C8A: variants seen among roughly 807,000 people sequenced by gnomAD.
C8A encodes complement C8 alpha chain.
Under a neutral mutation model 65.3 loss-of-function variants are expected in C8A, and 67 were observed. The observed-to-expected ratio is 1.03, with a 90% CI of 0.84 to 1.26. The LOEUF (loss-of-function observed/expected upper bound fraction) is 1.26. C8A is among the 50% of genes most tolerant of loss of function. C8A has a pLI of 0.00. For missense variants in C8A, 781 were observed against 723.9 expected (o/e 1.08, Z -0.90); for synonymous variants, 290 against 259.4 (o/e 1.12, Z -1.13).
chr1:56,866,682 T>C (rs1230792159), intron 1 of C8A, among the ~76,000 whole-genome samples: 1 of 152,226 alleles, frequency 6.6e-6, no homozygotes, highest in Non-Finnish European at 1.5e-5. Context: ...GTTCCCACTT[T>C]CCCAGTGGGC....
intron 7 of C8A, among the ~76,000 whole-genome samples, chr1:56,903,552 C>G (rs1282762101): frequency 6.6e-6 from 1 of 152,150 alleles, no homozygotes; most frequent in Non-Finnish European, 1.5e-5. Flanking sequence ...CTTTTGAGAC[C>G]TTTTTGGATC....
At chr1:56,915,151 A>G (rs1644540704) in intron 10 of C8A, among the ~76,000 whole-genome samples, 2 of 152,234 alleles carry the variant, frequency 1.3e-5, no homozygotes, top group Admixed American at 1.3e-4. Context: ...TTTCATTGGT[A>G]GAGAATTGTT....
chr1:56,881,781 A>G, intron 5 of C8A, 147 bp downstream of exon 5: 1 of 764,510 alleles, frequency 1.3e-6, no homozygotes, highest in South Asian at 1.5e-5. Flanking sequence ...CCATCCCCAC[A>G]CATGCTTAGT....
intron 1 of C8A, 136 bp downstream of exon 1, chr1:56,855,114 G>A (rs1253044469): frequency 2.5e-5 from 19 of 757,716 alleles, no homozygotes. Context: ...TACTCCTGTG[G>A]AGGAGGATGG....
At chr1:56,888,863 A>G (rs1489339980) in intron 7 of C8A, among the ~76,000 whole-genome samples, 1 of 152,166 alleles carries the variant, frequency 6.6e-6, no homozygotes, top group African/African-American at 2.4e-5. Context: ...TTTTAGCTAC[A>G]TAAACGCTGT....
chr1:56,869,424 T>G (rs1644121475), intron 2 of C8A, among the ~76,000 whole-genome samples: 1 of 152,260 alleles, frequency 6.6e-6, no homozygotes, highest in Admixed American at 6.5e-5. Context: ...CGTTGGTTGA[T>G]GGGCATTTGG....
At chr1:56,882,238 C>A (rs887729978) in intron 5 of C8A, among the ~76,000 whole-genome samples, 15 of 152,092 alleles carry the variant, frequency 9.9e-5, no homozygotes, top group Non-Finnish European at 2.2e-4. Flanking sequence ...CAGTCAAGGG[C>A]CTACTCATGG....
chr1:56,905,865 A>G (rs1644460509), intron 7 of C8A, among the ~76,000 whole-genome samples: 1 of 152,200 alleles, frequency 6.6e-6, no homozygotes, highest in African/African-American at 2.4e-5. Flanking sequence ...TTATCTTGCC[A>G]GGCATACCTA....
intron 2 of C8A, among the ~76,000 whole-genome samples, chr1:56,870,763 C>G (rs991491293): frequency 2.0e-5 from 3 of 151,816 alleles, no homozygotes; most frequent in Admixed American, 6.6e-5. Context: ...TATTTCCTTA[C>G]TGACTCAAAA....
intron 10 of C8A, among the ~76,000 whole-genome samples, chr1:56,914,268 T>C (rs1644533703): frequency 6.6e-6 from 1 of 152,096 alleles, no homozygotes. Flanking sequence ...GGGAGGACTT[T>C]CTTCTGCATG....
intron 9 of C8A, 24 bp from the exon 10 acceptor site, chr1:56,912,379 C>G: frequency 6.2e-7 from 1 of 1,607,624 alleles, no homozygotes; most frequent in South Asian, 1.1e-5. Context: ...AGGGAGGGGC[C>G]CTGTGTTCTT....
intron 10 of C8A, among the ~76,000 whole-genome samples, chr1:56,914,395 A>T (rs138052041): frequency 2.8e-4 from 43 of 152,272 alleles, no homozygotes; most frequent in Admixed American, 9.8e-4. Context: ...CTACCCCCAG[A>T]ATCTCTGAGT....
Position 56,881,573 on chromosome 1 carries a change from A to G in C8A, c.593A>G (p.Tyr198Cys), listed in dbSNP as rs1644248283. 2 of 1,613,820 alleles carry G rather than the reference A, an allele frequency of 1.2e-6. No homozygotes were observed. Among genetic ancestry groups the G allele is most frequent in the East Asian group, 4.5e-5 (2 of 44,864 alleles). ...TATGACTCCACCTGTGAACGTCTCT[A>G]CTATGGAGATGATGAGAAATACTTT... ...LRYDSTCERL[Y>C]YGDDEKYFRK... Residue 198 changes from tyrosine to cysteine, a missense_variant, in exon 5 of 11, where the codon TAC becomes TGC. Tyr to Cys is a radical substitution (Grantham distance 194, BLOSUM62 -2). Transcript: ENST00000361249.
Position 56,867,638 on chromosome 1 carries a change from C to T in C8A, c.107C>T (p.Ala36Val), listed in dbSNP as rs116201358. The T allele has an allele frequency of 4.3e-5, 70 of 1,613,696 alleles. No individual in the cohort carries two copies. The highest frequency in any genetic ancestry group is 5.1e-5 in the Non-Finnish European group (60 of 1,179,832). The change falls in exon 2 of 11, where the codon GCA becomes GTA. Residue 36 changes from alanine (A) to valine (V), a missense_variant. Ala to Val is a moderately conservative substitution (Grantham distance 64, BLOSUM62 0). Transcript: ENST00000361249. ...GTAAGACGGGCAGCTACACCCGCAG[C>T]AGTTACCTGCCAGCTGAGCAACTGG... ...QRVRRAATPA[A>V]VTCQLSNWSE...
Position 56,906,852 on chromosome 1 carries a change from C to T in C8A, c.1222+60C>T, listed in dbSNP as rs115184329. 1.1e-3 allele frequency: 1,723 copies of T among 1,602,860 alleles called. 31 individuals are homozygous for T. In the African/African-American group the frequency reaches 0.02, roughly 19 times the overall value. The stretch of plus-strand genomic sequence containing the variant: ...AGCCAGGCTTTCCTTTGGACACACA[C>T]TGGGACATGGAAGCTATTTTTTTTC... On this transcript the variant is annotated intron_variant, in intron 8 of 10. Coordinates refer to ENST00000361249, the MANE Select transcript of C8A (RefSeq NM_000562.3).
intron 1 of C8A, among the ~76,000 whole-genome samples, chr1:56,859,195 A>G (rs555055658): frequency 6.6e-6 from 1 of 152,342 alleles, no homozygotes; most frequent in African/African-American, 2.4e-5. Flanking sequence ...ACTTCTTATG[A>G]ATCTGTTTTA....
chr1:56,917,834 C>G lies in C8A; in HGVS notation c.*118C>G. 7.8e-7 allele frequency: 1 copy of G among 1,278,142 alleles called. No homozygotes were observed. Among genetic ancestry groups the G allele is most frequent in the Non-Finnish European group, 1.1e-6 (1 of 903,312 alleles). The allele number at this position is 1,278,142 out of a possible 1,614,324, so 79.2% of individuals were successfully genotyped here. Reference sequence around the variant, plus strand: ...AAATCAGCACACTTTTTTCTTTGTTCTGCCAGCTTCCAGGCCTAAGACTAG... The same window carrying G: ...AAATCAGCACACTTTTTTCTTTGTTGTGCCAGCTTCCAGGCCTAAGACTAG... On this transcript the variant is annotated 3_prime_UTR_variant, in exon 11 of 11. Transcript: ENST00000361249.
chr1:56,874,661 A>G (rs1412756062), intron 2 of C8A, among the ~76,000 whole-genome samples: 1 of 152,192 alleles, frequency 6.6e-6, no homozygotes, highest in Non-Finnish European at 1.5e-5. Flanking sequence ...CTTCTTCAAG[A>G]AGAGGGAACA....
At chr1:56,879,785 A>C (rs905173029) in intron 4 of C8A, among the ~76,000 whole-genome samples, 1 of 152,218 alleles carries the variant, frequency 6.6e-6, no homozygotes, top group African/African-American at 2.4e-5. Context: ...AGGAGAAAGA[A>C]AGAGAAAAAG....
Sources: gnomAD v4.1 joint callset for allele counts (sites outside exome capture counted in the v4.1 genomes callset) on GRCh38, gnomAD v4.1.1 for gene constraint, MANE v1.5 for transcripts, NCBI Gene and HGNC (gene_info 2026-07-23, HGNC 2026-07-21) for gene names.